PDE3A: variants seen among roughly 807,000 people sequenced by gnomAD.
PDE3A encodes the protein phosphodiesterase 3A, also known as cGMP-inhibited 3',5'-cyclic phosphodiesterase 3A.
Under a neutral mutation model 98.3 loss-of-function variants are expected in PDE3A, and 43 were observed. That is an observed-to-expected ratio of 0.44 (90% CI 0.34 to 0.56). PDE3A has a LOEUF of 0.56. Ranked by LOEUF, PDE3A falls within the 20% of genes least tolerant of loss-of-function variation. The pLI is 0.01. For synonymous variants in PDE3A, 663 were observed against 567.9 expected (o/e 1.17, Z -2.38); for missense variants, 1,427 against 1,440.7 (o/e 0.99, Z 0.15).
chr12:20,487,542 A>G (rs1945750924), intron 1 of PDE3A, among the ~76,000 whole-genome samples: 1 of 147,826 alleles, frequency 6.8e-6, no homozygotes, highest in African/African-American at 2.5e-5. Context: ...AATTCCAGCT[A>G]CTTGGGAGGC....
chr12:20,641,814 C>A (rs1267645512), intron 10 of PDE3A, among the ~76,000 whole-genome samples: 2 of 151,952 alleles, frequency 1.3e-5, no homozygotes, highest in Non-Finnish European at 2.9e-5. Context: ...GTTCTTTATT[C>A]CAGGTGAAAA....
intron 8 of PDE3A, among the ~76,000 whole-genome samples, chr12:20,636,183 A>T (rs1944509852): frequency 6.6e-6 from 1 of 152,182 alleles, no homozygotes; most frequent in Non-Finnish European, 1.5e-5. Flanking sequence ...ACCTATTAAA[A>T]TATTCTTTAA....
chr12:20,414,828 T>C (rs1944395597), intron 1 of PDE3A, among the ~76,000 whole-genome samples: 1 of 152,160 alleles, frequency 6.6e-6, no homozygotes, highest in African/African-American at 2.4e-5. Flanking sequence ...TTTTTTCTCA[T>C]GGTGTAAACT....
intron 1 of PDE3A, among the ~76,000 whole-genome samples, chr12:20,445,104 G>A (rs1944933459): frequency 6.6e-6 from 1 of 152,124 alleles, no homozygotes. Flanking sequence ...ACAAGTAAAC[G>A]GGTTGCAAAA....
At chr12:20,663,538 G>T (rs963561353) in intron 15 of PDE3A, among the ~76,000 whole-genome samples, 1 of 152,148 alleles carries the variant, frequency 6.6e-6, no homozygotes, top group Non-Finnish European at 1.5e-5. Flanking sequence ...CTGGATATGA[G>T]ACATGGAGTC....
chr12:20,412,825 T>C (rs1175244890), intron 1 of PDE3A, among the ~76,000 whole-genome samples: 2 of 152,240 alleles, frequency 1.3e-5, no homozygotes, highest in African/African-American at 4.8e-5. Context: ...AGATAGGATT[T>C]ACCAGCTTGG....
chr12:20,599,828 T>C (rs911480198), intron 2 of PDE3A, among the ~76,000 whole-genome samples: 4 of 152,216 alleles, frequency 2.6e-5, no homozygotes, highest in African/African-American at 9.7e-5. Context: ...TTCATTTTTC[T>C]ATCTTCCTTT....
chr12:20,466,246 G>T (rs1356986840), intron 1 of PDE3A, among the ~76,000 whole-genome samples: 1 of 152,196 alleles, frequency 6.6e-6, no homozygotes, highest in Non-Finnish European at 1.5e-5. Flanking sequence ...CTTCTACGGA[G>T]CACAAACACT....
At chr12:20,373,209 A>G (rs1006267233) in intron 1 of PDE3A, among the ~76,000 whole-genome samples, 2 of 152,006 alleles carry the variant, frequency 1.3e-5, no homozygotes, top group Admixed American at 6.6e-5. Flanking sequence ...TGTCCGCAAT[A>G]CTGAGGCTGA....
rs1178245238 is a variant in PDE3A at position 20,368,993 on chromosome 12, CAA to C, written c.-290_-289del. Among the ~76,000 whole-genome samples the C allele has an allele frequency of 6.6e-6, 1 of 152,128 alleles. No homozygotes were observed. Among genetic ancestry groups the C allele is most frequent in the African/African-American group, 2.4e-5 (1 of 41,442 alleles). ...GAGCAGAGAATCTGTGAAAGATATTCAAAGAGAGAAAAGGGGAATCCTGATCG... is the reference window on the plus strand; with the variant it reads ...GAGCAGAGAATCTGTGAAAGATATTCAGAGAGAAAAGGGGAATCCTGATCG... On this transcript the variant is annotated 5_prime_UTR_variant, in exon 1 of 16. Coordinates refer to ENST00000359062, the MANE Select transcript of PDE3A (RefSeq NM_000921.5).
chr12:20,576,938 T>C (rs1942946584), intron 2 of PDE3A, among the ~76,000 whole-genome samples: 1 of 151,668 alleles, frequency 6.6e-6, no homozygotes, highest in Non-Finnish European at 1.5e-5. Context: ...TTTTTTTTTT[T>C]TAAACTAAAC....
intron 1 of PDE3A, among the ~76,000 whole-genome samples, chr12:20,491,913 A>G (rs920159730): frequency 6.6e-6 from 1 of 152,196 alleles, no homozygotes; most frequent in African/African-American, 2.4e-5. Context: ...GTAGAACTAT[A>G]AAATATACAG....
chr12:20,401,964 A>C (rs944616183), intron 1 of PDE3A, among the ~76,000 whole-genome samples: 1 of 152,178 alleles, frequency 6.6e-6, no homozygotes, highest in Non-Finnish European at 1.5e-5. Context: ...ATCTCATTAA[A>C]TCTGATAACA....
At chr12:20,556,753 C>T (rs777405676) in intron 2 of PDE3A, 43 bp downstream of exon 2, 3 of 1,350,258 alleles carry the variant, frequency 2.2e-6, no homozygotes, top group South Asian at 2.3e-5. Context: ...CGTTTCGTAA[C>T]ACTTTCAGCC....
chr12:20,369,190 C>CGTGCGTGT lies in PDE3A; in HGVS notation c.-92_-91insCGTGTGTG, dbSNP rs879136039. The CGTGCGTGT allele has an allele frequency of 2.4e-5, 16 of 653,566 alleles. 1 individual carries two copies. The highest frequency in any genetic ancestry group is 9.7e-5 in the Admixed American group (3 of 30,988). The allele number at this position is 653,566 out of a possible 1,614,324, so 40.5% of individuals were successfully genotyped here. A position where few individuals can be genotyped will look rare whatever the true frequency, so the allele number is the denominator to read the frequency against. ...GGTGGAATTGGGAAGAGCGTGCGTG[C>CGTGCGTGT]GTGTGTGTGTGTGTGTGTGTGCGCG... On this transcript the variant is annotated 5_prime_UTR_variant, in exon 1 of 16. Transcript: ENST00000359062.
At chr12:20,532,691 T>G (rs1404065212) in intron 1 of PDE3A, among the ~76,000 whole-genome samples, 1 of 145,898 alleles carries the variant, frequency 6.9e-6, no homozygotes, top group Non-Finnish European at 1.5e-5. Flanking sequence ...CTCTCTCTTT[T>G]TTTTTTTTTT....
intron 1 of PDE3A, among the ~76,000 whole-genome samples, chr12:20,468,778 T>C (rs1379630404): frequency 4.6e-5 from 7 of 152,226 alleles, no homozygotes; most frequent in African/African-American, 7.2e-5. Context: ...TGGCAAGCAC[T>C]GTAATTGGGT....
chr12:20,445,650 G>C (rs1403142768), intron 1 of PDE3A, among the ~76,000 whole-genome samples: 1 of 152,136 alleles, frequency 6.6e-6, no homozygotes, highest in Non-Finnish European at 1.5e-5. Context: ...GAACGATCAA[G>C]GAACATGGGA....
chr12:20,504,848 C>T (rs7959560), intron 1 of PDE3A, among the ~76,000 whole-genome samples: 97,737 of 151,866 alleles, frequency 0.64, 32,379 homozygotes, highest in African/African-American at 0.79. Context: ...TCAGGATCAT[C>T]GCTCTAACTC....
Sources: gnomAD v4.1 joint callset for allele counts (sites outside exome capture counted in the v4.1 genomes callset) on GRCh38, gnomAD v4.1.1 for gene constraint, MANE v1.5 for transcripts, NCBI Gene and HGNC (gene_info 2026-07-23, HGNC 2026-07-21) for gene names.